Variants in GAP43 observed in about 807,000 individuals in gnomAD.
GAP43 encodes the protein neuromodulin.
Under a neutral mutation model 18.6 loss-of-function variants are expected in GAP43, and 6 were observed. The observed-to-expected ratio is 0.32, with a 90% CI of 0.18 to 0.64. The LOEUF (loss-of-function observed/expected upper bound fraction) is 0.64, where lower values mean the gene tolerates loss of function less well. Ranked by LOEUF, GAP43 falls within the 30% of genes least tolerant of loss-of-function variation. GAP43 has a pLI of 0.78. For missense variants in GAP43, 292 were observed against 295.5 expected (o/e 0.99, Z 0.09); for synonymous variants, 115 against 111.4 (o/e 1.03, Z -0.20).
At chr3:115,716,991 C>T (rs928166202) in intron 2 of GAP43, among the ~76,000 whole-genome samples, 2 of 151,776 alleles carry the variant, frequency 1.3e-5, no homozygotes, top group Non-Finnish European at 2.9e-5. Context: ...GTTTGGCCAC[C>T]TGATATAATC....
chr3:115,653,889 A>C (rs1708552382), intron 1 of GAP43, among the ~76,000 whole-genome samples: 1 of 152,220 alleles, frequency 6.6e-6, no homozygotes, highest in African/African-American at 2.4e-5. Flanking sequence ...ATCACTTTTC[A>C]GATATTTAAC....
chr3:115,642,278 TATC>T (rs1453721393), intron 1 of GAP43, among the ~76,000 whole-genome samples: 1 of 152,088 alleles, frequency 6.6e-6, no homozygotes, highest in Non-Finnish European at 1.5e-5. Flanking sequence ...AATTAGGCTT[TATC>T]ATCAAGACCA....
chr3:115,695,073 T>C (rs1174536599), intron 2 of GAP43, among the ~76,000 whole-genome samples: 1 of 152,234 alleles, frequency 6.6e-6, no homozygotes, highest in African/African-American at 2.4e-5. Flanking sequence ...CTTTTGAATA[T>C]TGTAGATTTC....
chr3:115,673,443 C>A (rs1708839259), intron 1 of GAP43, among the ~76,000 whole-genome samples: 2 of 152,184 alleles, frequency 1.3e-5, no homozygotes, highest in African/African-American at 4.8e-5. Context: ...CTTTTGTGGA[C>A]ACCTGCTCCT....
At chr3:115,649,732 T>C (rs1284900689) in intron 1 of GAP43, among the ~76,000 whole-genome samples, 1 of 149,206 alleles carries the variant, frequency 6.7e-6, no homozygotes, top group Non-Finnish European at 1.5e-5. Context: ...TCCCAGCTAC[T>C]CAGTAGGGTG....
chr3:115,703,924 A>G (rs893216651), intron 2 of GAP43, among the ~76,000 whole-genome samples: 3 of 152,088 alleles, frequency 2.0e-5, no homozygotes, highest in Non-Finnish European at 4.4e-5. Flanking sequence ...AAAATAAAAA[A>G]TCAGTACAAA....
chr3:115,663,592 A>T, intron 1 of GAP43: 1 of 1,302,214 alleles, frequency 7.7e-7, no homozygotes, highest in African/African-American at 1.5e-5. Flanking sequence ...CAAAATCTTC[A>T]CAAGGAAAAT....
chr3:115,668,899 TG>T (rs1394741321), intron 1 of GAP43, among the ~76,000 whole-genome samples: 1 of 152,008 alleles, frequency 6.6e-6, no homozygotes, highest in African/African-American at 2.4e-5. Flanking sequence ...AAAAATTAGC[TG>T]GGCATGGTGG....
At chr3:115,680,935 G>A (rs1296093933) in intron 2 of GAP43, among the ~76,000 whole-genome samples, 1 of 152,228 alleles carries the variant, frequency 6.6e-6, no homozygotes, top group Non-Finnish European at 1.5e-5. Context: ...TGTGTTAGAT[G>A]TGAGATTTTC....
intron 1 of GAP43, among the ~76,000 whole-genome samples, chr3:115,664,590 CT>C (rs1489175123): frequency 6.6e-6 from 1 of 152,142 alleles, no homozygotes; most frequent in Admixed American, 6.5e-5. Flanking sequence ...AAACTCAGAT[CT>C]TTTGACCCCA....
chr3:115,696,568 G>C (rs1576997484), intron 2 of GAP43, among the ~76,000 whole-genome samples: 17 of 67,856 alleles, frequency 2.5e-4, no homozygotes, highest in East Asian at 4.7e-4. Context: ...TTTCCTTGCT[G>C]CCCCCCACCG....
intron 2 of GAP43, among the ~76,000 whole-genome samples, chr3:115,714,207 T>G (rs1301260646): frequency 6.6e-6 from 1 of 152,214 alleles, no homozygotes; most frequent in Non-Finnish European, 1.5e-5. Context: ...ATTTTCTTTC[T>G]TCCCTTTTGA....
intron 2 of GAP43, among the ~76,000 whole-genome samples, chr3:115,695,786 C>G (rs1440391068): frequency 1.3e-5 from 2 of 152,190 alleles, no homozygotes; most frequent in Non-Finnish European, 2.9e-5. Flanking sequence ...CACAAACGAC[C>G]TCCACATCGC....
At chr3:115,624,206 C>T (rs1054056395) in intron 1 of GAP43, among the ~76,000 whole-genome samples, 3 of 152,110 alleles carry the variant, frequency 2.0e-5, no homozygotes, top group African/African-American at 7.2e-5. Flanking sequence ...CATGCATGAG[C>T]TTCGAAGGGG....
chr3:115,642,649 G>T (rs1444900233), intron 1 of GAP43, among the ~76,000 whole-genome samples: 2 of 151,956 alleles, frequency 1.3e-5, no homozygotes, highest in African/African-American at 4.8e-5. Flanking sequence ...GATAAATTTT[G>T]TAAATAACAG....
At chr3:115,664,636 C>T (rs567080191) in intron 1 of GAP43, among the ~76,000 whole-genome samples, 2 of 152,116 alleles carry the variant, frequency 1.3e-5, no homozygotes, top group African/African-American at 2.4e-5. Context: ...CAATGAATGT[C>T]AATGACAGAT....
intron 1 of GAP43, among the ~76,000 whole-genome samples, chr3:115,675,120 G>A (rs1480766864): frequency 6.6e-6 from 1 of 152,104 alleles, no homozygotes; most frequent in Non-Finnish European, 1.5e-5. Flanking sequence ...TACCAAGGCT[G>A]AAGTGCAGTG....
In GAP43 at chr3:115,664,948, C is replaced by A. The variant is rs1257985938; in HGVS notation, c.31-11065C>A. ...ACATGTGGAAGAATACAACAACATA[C>A]CTTCTAGAATCAGGGAGAAATGTAC... On this transcript the variant is annotated intron_variant, in intron 1 of 2. Coordinates refer to ENST00000305124, the MANE Select transcript of GAP43 (RefSeq NM_002045.4). Among the ~76,000 whole-genome samples the A allele has an allele frequency of 2.0e-5, 3 of 152,088 alleles. No individual in the cohort carries two copies. In the East Asian group the frequency reaches 5.8e-4, roughly 29 times the overall value.
chr3:115,674,678 A>C (rs1461549490), intron 1 of GAP43, among the ~76,000 whole-genome samples: 3 of 152,154 alleles, frequency 2.0e-5, no homozygotes, highest in African/African-American at 7.2e-5. Flanking sequence ...AAAATTCAGG[A>C]ATAGTGGTCT....
Sources: gnomAD v4.1 joint callset for allele counts (sites outside exome capture counted in the v4.1 genomes callset) on GRCh38, gnomAD v4.1.1 for gene constraint, MANE v1.5 for transcripts, NCBI Gene and HGNC (gene_info 2026-07-23, HGNC 2026-07-21) for gene names.